The following PHB1 variants were observed in gnomAD, a reference collection of about 807,000 sequenced individuals.
The protein encoded by PHB1 is epididymis luminal protein 215.
At chr17:49,413,174 C>T in the PHB1 span, 159 of 1,607,912 alleles carry the variant, frequency 9.9e-5, 1 homozygote, top group South Asian at 1.7e-3. Context: ...CTCCATGCCT[C>T]ACCATTATAT....
At chr17:49,411,557 C>A in the PHB1 span, 1 of 817,578 alleles carries the variant, frequency 1.2e-6, no homozygotes, top group Non-Finnish European at 2.0e-6. Context: ...TCTAGTCATT[C>A]CTATGATGTA....
the PHB1 span, chr17:49,405,133 G>A: frequency 3.8e-4 from 608 of 1,614,026 alleles, no homozygotes; most frequent in Non-Finnish European, 4.9e-4. Context: ...TGGCCAGTGA[G>A]TTGGCAATCA....
the PHB1 span, among the ~76,000 whole-genome samples, chr17:49,410,006 A>C: frequency 2.6e-5 from 4 of 151,982 alleles, no homozygotes; most frequent in Non-Finnish European, 4.4e-5. Flanking sequence ...TACACCTTCC[A>C]AGTAGCTGGG....
the PHB1 span, chr17:49,407,048 A>G: frequency 1.7e-6 from 1 of 602,960 alleles, no homozygotes; most frequent in Non-Finnish European, 3.0e-6. Context: ...TGGCTGCCCA[A>G]ACTGCTCCTG....
the PHB1 span, among the ~76,000 whole-genome samples, chr17:49,410,722 CT>C: frequency 6.6e-6 from 1 of 152,184 alleles, no homozygotes; most frequent in Non-Finnish European, 1.5e-5. Flanking sequence ...CTCTCTAAGC[CT>C]TAGCCAACCT....
At chr17:49,409,063 G>A in the PHB1 span, 2 of 1,606,172 alleles carry the variant, frequency 1.2e-6, no homozygotes, top group Admixed American at 1.7e-5. Flanking sequence ...CATCCAGGAT[G>A]AGCCCAAAGG....
the PHB1 span, among the ~76,000 whole-genome samples, chr17:49,413,569 T>C: frequency 6.7e-6 from 1 of 149,416 alleles, no homozygotes; most frequent in Non-Finnish European, 1.5e-5. Flanking sequence ...AGTGCAGTGG[T>C]GCAATCTCAG....
At chr17:49,409,490 A>C in the PHB1 span, 4 of 1,606,534 alleles carry the variant, frequency 2.5e-6, no homozygotes, top group Non-Finnish European at 3.4e-6. Context: ...GTAGGGGACA[A>C]ACACTGGAGT....
At chr17:49,409,253 T>C in the PHB1 span, 1 of 1,597,072 alleles carries the variant, frequency 6.3e-7, no homozygotes, top group South Asian at 1.1e-5. Flanking sequence ...ACCAACCCAC[T>C]GCCAAGCGCT....
At chr17:49,404,969 G>A in the PHB1 span, 35 of 1,497,004 alleles carry the variant, frequency 2.3e-5, no homozygotes, top group East Asian at 2.2e-4. Context: ...GTCAGCCCGC[G>A]GAGGTGCAGG....
At chr17:49,404,669 C>T in the PHB1 span, 1 of 399,506 alleles carries the variant, frequency 2.5e-6, no homozygotes, top group Non-Finnish European at 4.7e-6. Flanking sequence ...CACATACTGC[C>T]CCGCCTGCGT....
the PHB1 span, chr17:49,405,206 TA>T: frequency 3.1e-6 from 5 of 1,613,002 alleles, no homozygotes; most frequent in East Asian, 8.9e-5. Flanking sequence ...TTGCTCAGCC[TA>T]AAAGAATGGA....
At chr17:49,405,931 A>G in the PHB1 span, among the ~76,000 whole-genome samples, 1 of 152,206 alleles carries the variant, frequency 6.6e-6, no homozygotes, top group Non-Finnish European at 1.5e-5. Context: ...TACCAATATC[A>G]ATAGGAAGAC....
chr17:49,407,176 G>C, the PHB1 span: 2 of 279,068 alleles, frequency 7.2e-6, no homozygotes, highest in East Asian at 1.5e-4. Context: ...CCCCAGAGGA[G>C]GAGAACTGTG....
At chr17:49,413,322 C>T in the PHB1 span, 1 of 1,262,202 alleles carries the variant, frequency 7.9e-7, no homozygotes, top group Non-Finnish European at 1.1e-6. Flanking sequence ...TACAATCAAA[C>T]TTGATGCCAA....
chr17:49,405,257 G>A, the PHB1 span: 16 of 1,501,404 alleles, frequency 1.1e-5, no homozygotes, highest in Non-Finnish European at 1.5e-5. Flanking sequence ...CCGCATGTCA[G>A]GCTACAACCA....
the PHB1 span, chr17:49,411,691 GA>G: frequency 6.2e-7 from 1 of 1,614,016 alleles, no homozygotes; most frequent in Non-Finnish European, 8.5e-7. Flanking sequence ...TGCTACCAGT[GA>G]TGACTGGCAC....
chr17:49,412,880 G>A, the PHB1 span: 4 of 287,692 alleles, frequency 1.4e-5, no homozygotes, highest in African/African-American at 6.5e-5. Flanking sequence ...GACACTGTGC[G>A]GCAGCATTTG....
At chr17:49,409,185 G>T in the PHB1 span, 1 of 1,586,604 alleles carries the variant, frequency 6.3e-7, no homozygotes, top group Non-Finnish European at 8.7e-7. Context: ...GAGCAGAAGG[G>T]CAGGTCAGGT....
Sources: gnomAD v4.1 joint callset for allele counts (sites outside exome capture counted in the v4.1 genomes callset) on GRCh38, gnomAD v4.1.1 for gene constraint, MANE v1.5 for transcripts, NCBI Gene and HGNC (gene_info 2026-07-23, HGNC 2026-07-21) for gene names.